The following VTI1A variants were observed in gnomAD, a reference collection of about 807,000 sequenced individuals.
VTI1A encodes the protein vesicle transport through interaction with t-SNAREs 1A, also known as vesicle transport through interaction with t-SNAREs homolog 1A.
A neutral mutation model predicts 34.9 loss-of-function variants in VTI1A; 22 were observed. The ratio of observed to expected loss-of-function variants is 0.63; its 90% CI spans 0.45 to 0.90. The LOEUF is 0.90. Among genes scored for constraint, VTI1A ranks in the 40% least tolerant of loss-of-function variants. The pLI, the probability that VTI1A is intolerant of heterozygous loss-of-function variation, is 0.00. For synonymous variants in VTI1A, 87 were observed against 97.3 expected, an observed-to-expected ratio of 0.89 and a Z score of 0.62; for missense variants, 268 against 275.6, an observed-to-expected ratio of 0.97 and a Z score of 0.20.
At chr10:112,854,660 G>T in the VTI1A span, among the ~76,000 whole-genome samples, 2 of 152,170 alleles carry the variant, frequency 1.3e-5, no homozygotes, top group African/African-American at 4.8e-5. Context: ...ATGCCTCAGT[G>T]GGACAAGATC....
At chr10:112,799,128 T>C (rs941827) in intron 7 of VTI1A, among the ~76,000 whole-genome samples, 31,448 of 152,100 alleles carry the variant, frequency 0.21, 3,777 homozygotes, top group Non-Finnish European at 0.27. Flanking sequence ...CCCTAGTTAT[T>C]GATGCTGCCA....
intron 7 of VTI1A, among the ~76,000 whole-genome samples, chr10:112,799,168 C>T (rs912099063): frequency 5.3e-5 from 8 of 152,018 alleles, no homozygotes; most frequent in African/African-American, 9.7e-5. Context: ...TTCTGAGAGC[C>T]GCAGGGGTCA....
chr10:112,749,951 T>G (rs1851043454), intron 7 of VTI1A, among the ~76,000 whole-genome samples: 1 of 152,166 alleles, frequency 6.6e-6, no homozygotes, highest in Non-Finnish European at 1.5e-5. Flanking sequence ...TTACATTGAG[T>G]CAAAAGATAA....
chr10:112,808,906 G>A (rs1224683344), intron 7 of VTI1A, among the ~76,000 whole-genome samples: 1 of 152,218 alleles, frequency 6.6e-6, no homozygotes, highest in East Asian at 1.9e-4. Context: ...TGTCCTGACA[G>A]TCAATCTCAG....
At chr10:112,529,328 G>A (rs1484413361) in intron 4 of VTI1A, among the ~76,000 whole-genome samples, 1 of 152,044 alleles carries the variant, frequency 6.6e-6, no homozygotes, top group East Asian at 1.9e-4. Flanking sequence ...TTTGTTTTAA[G>A]GCTCTTTGTC....
intron 7 of VTI1A, among the ~76,000 whole-genome samples, chr10:112,729,315 C>T (rs1169119812): frequency 6.6e-6 from 1 of 152,220 alleles, no homozygotes. Context: ...CAGACCTGAA[C>T]ATTTTAAACC....
chr10:112,851,909 A>G, the VTI1A span, among the ~76,000 whole-genome samples: 1 of 152,216 alleles, frequency 6.6e-6, no homozygotes, highest in Non-Finnish European at 1.5e-5. Context: ...TGAATATTTA[A>G]TATCCCACCA....
At chr10:112,543,932 G>T (rs1371966778) in intron 5 of VTI1A, among the ~76,000 whole-genome samples, 2 of 152,150 alleles carry the variant, frequency 1.3e-5, no homozygotes, top group African/African-American at 4.8e-5. Flanking sequence ...TTATTAAATA[G>T]GGAATCCTTT....
rs1589863489 is a variant in VTI1A, at chr10:112,527,052, C to T, written c.265-35C>T. The T allele has an allele frequency of 1.9e-6, 3 of 1,602,792 alleles. No homozygotes were observed. In the East Asian group the frequency reaches 6.7e-5, roughly 36 times the overall value. On this transcript the variant is annotated intron_variant, in intron 3 of 7. Transcript: ENST00000393077. ...TTGGAAGCTTTTACTTTCTAACGTTCCTCTCACTCTCTCCCTTTTTGTTTT... is the reference window on the plus strand; with the variant it reads ...TTGGAAGCTTTTACTTTCTAACGTTTCTCTCACTCTCTCCCTTTTTGTTTT...
chr10:112,669,376 A>G (rs970256466), intron 7 of VTI1A, among the ~76,000 whole-genome samples: 2 of 152,172 alleles, frequency 1.3e-5, no homozygotes, highest in Non-Finnish European at 2.9e-5. Context: ...CACATTTGCC[A>G]TTAGCTTTGC....
In VTI1A at chr10:112,511,617, A is replaced by G. The variant is rs549710282; in HGVS notation, c.265-15470A>G. ...TATTTACGGTGCTACCACCCAAGTT[A>G]AGTATATTCACTCTACTCTGCTGTC... On this transcript the variant is annotated intron_variant, in intron 3 of 7. Transcript: ENST00000393077. Among the ~76,000 whole-genome samples the G allele has an allele frequency of 3.2e-4, 49 of 152,180 alleles. 1 individual carries two copies. The South Asian group carries it at 0.01, about 32-fold the overall frequency.
At chr10:112,802,170 A>G (rs1363683244) in intron 7 of VTI1A, among the ~76,000 whole-genome samples, 1 of 152,214 alleles carries the variant, frequency 6.6e-6, no homozygotes, top group African/African-American at 2.4e-5. Flanking sequence ...ACTTGAGCCC[A>G]GGAGGTTGAG....
chr10:112,529,675 T>C (rs1850357626), intron 4 of VTI1A, among the ~76,000 whole-genome samples: 1 of 152,040 alleles, frequency 6.6e-6, no homozygotes, highest in Non-Finnish European at 1.5e-5. Context: ...GGATAAAACT[T>C]GGAGATAAAC....
At chr10:112,836,024 C>G in the VTI1A span, among the ~76,000 whole-genome samples, 4 of 152,212 alleles carry the variant, frequency 2.6e-5, no homozygotes, top group Admixed American at 2.0e-4. Flanking sequence ...GGCCAAAGCT[C>G]CAGTCTGAAT....
chr10:112,550,012 G>A (rs145826855), intron 5 of VTI1A, among the ~76,000 whole-genome samples: 1 of 152,266 alleles, frequency 6.6e-6, no homozygotes, highest in African/African-American at 2.4e-5. Context: ...TTTAAATCCT[G>A]TTTGGAGAAC....
chr10:112,813,477 C>T (rs1030435591), intron 7 of VTI1A, among the ~76,000 whole-genome samples: 6 of 152,102 alleles, frequency 3.9e-5, no homozygotes, highest in East Asian at 1.9e-4. Flanking sequence ...AAGTCTGATG[C>T]GGGTGACTGT....
chr10:112,450,296 A>G (rs1847187973), intron 1 of VTI1A: 6 of 152,254 alleles, frequency 3.9e-5, no homozygotes, highest in Admixed American at 3.9e-4. Flanking sequence ...GATGAAAAAT[A>G]TATCCATGTA....
chr10:112,456,561 G>C (rs1396745289), intron 1 of VTI1A, among the ~76,000 whole-genome samples: 2 of 152,202 alleles, frequency 1.3e-5, no homozygotes, highest in East Asian at 3.9e-4. Context: ...GGATAGGTGG[G>C]GTTTGGACAG....
chr10:112,493,475 TC>T (rs1056197256), intron 3 of VTI1A, among the ~76,000 whole-genome samples: 5 of 152,160 alleles, frequency 3.3e-5, no homozygotes, highest in Non-Finnish European at 7.4e-5. Context: ...TTTTTATTTT[TC>T]CCTTTTTCCA....
Sources: gnomAD v4.1 joint callset for allele counts (sites outside exome capture counted in the v4.1 genomes callset) on GRCh38, gnomAD v4.1.1 for gene constraint, MANE v1.5 for transcripts, NCBI Gene and HGNC (gene_info 2026-07-23, HGNC 2026-07-21) for gene names.